Variants in USP32 observed in about 807,000 individuals in gnomAD.
USP32 encodes ubiquitin specific peptidase 32.
USP32 carries 59 observed loss-of-function variants against 204.8 expected under a neutral mutation model. The ratio of observed to expected loss-of-function variants is 0.29; its 90% confidence interval spans 0.23 to 0.36. The LOEUF is 0.36. Among genes scored for constraint, USP32 ranks in the 10% least tolerant of loss-of-function variants. The pLI is 1.00. For missense variants in USP32, 1,160 were observed against 1,946.4 expected, an observed-to-expected ratio of 0.60 and a Z score of 7.60; for synonymous variants, 517 against 678.4, an observed-to-expected ratio of 0.76 and a Z score of 3.70.
intron 15 of USP32, among the ~76,000 whole-genome samples, chr17:60,220,391 T>A (rs2085213040): frequency 6.6e-6 from 1 of 152,210 alleles, no homozygotes; most frequent in South Asian, 2.1e-4. Context: ...GATGCAACTG[T>A]TCCCATATAA....
At chr17:60,339,873 A>AT (rs2088617223) in intron 2 of USP32, among the ~76,000 whole-genome samples, 1 of 152,234 alleles carries the variant, frequency 6.6e-6, no homozygotes, top group African/African-American at 2.4e-5. Context: ...GCTCTTAAAA[A>AT]ATATATGTTA....
chr17:60,240,519 G>A (rs1320240084), intron 11 of USP32, among the ~76,000 whole-genome samples: 2 of 151,732 alleles, frequency 1.3e-5, no homozygotes, highest in Non-Finnish European at 2.9e-5. Context: ...AGAGACAAAA[G>A]ACAGAGACAA....
chr17:60,349,595 AAATATATATATATATATATATATATATAT>A (rs1567867111), intron 1 of USP32, among the ~76,000 whole-genome samples: 7 of 55,502 alleles, frequency 1.3e-4, no homozygotes, highest in African/African-American at 6.2e-4. Context: ...AAAAAAAAAA[AAATATATATATATATATATATATATATAT>A]TATATATATA....
intron 1 of USP32, among the ~76,000 whole-genome samples, chr17:60,367,720 A>C (rs753416771): frequency 1.3e-5 from 2 of 152,146 alleles, no homozygotes; most frequent in Non-Finnish European, 2.9e-5. Context: ...GGGCATGAGA[A>C]TCACTTGAAC....
chr17:60,265,335 A>G, intron 9 of USP32, 77 bp downstream of exon 9: 1 of 978,826 alleles, frequency 1.0e-6, no homozygotes, highest in East Asian at 2.6e-5. Context: ...AGATTCAAGC[A>G]TGTATATAAG....
At chr17:60,254,828 A>T (rs59382687) in intron 10 of USP32, among the ~76,000 whole-genome samples, 2 of 152,018 alleles carry the variant, frequency 1.3e-5, no homozygotes, top group African/African-American at 4.8e-5. Context: ...ATTTTCTTTT[A>T]AAAAAATTCT....
intron 13 of USP32, among the ~76,000 whole-genome samples, chr17:60,225,814 C>T (rs965207981): frequency 3.3e-5 from 5 of 151,998 alleles, no homozygotes; most frequent in African/African-American, 7.2e-5. Flanking sequence ...ATTAGCCAGG[C>T]GTGGTGGCGG....
chr17:60,181,897 T>C, intron 31 of USP32, 149 bp from the exon 32 acceptor site: 10 of 1,264,574 alleles, frequency 7.9e-6, no homozygotes, highest in Non-Finnish European at 8.6e-6. Context: ...GTTCCTATTA[T>C]GTAGCCAGTA....
chr17:60,338,848 T>A (rs1212081371), intron 2 of USP32, among the ~76,000 whole-genome samples: 2 of 152,240 alleles, frequency 1.3e-5, no homozygotes, highest in African/African-American at 4.8e-5. Context: ...ATTATTTTAT[T>A]CAAGTAATAC....
chr17:60,229,845 G>A (rs757974815), intron 12 of USP32, among the ~76,000 whole-genome samples: 2 of 151,488 alleles, frequency 1.3e-5, no homozygotes, highest in Non-Finnish European at 2.9e-5. Context: ...ACAGAGTCTC[G>A]CTTTGTTGCC....
At chr17:60,391,847 T>C in intron 1 of USP32, 35 bp downstream of exon 1, 1 of 1,541,292 alleles carries the variant, frequency 6.5e-7, no homozygotes, top group African/African-American at 1.4e-5. Context: ...GTCGCGGGCC[T>C]CCCAGGCAGC....
At chr17:60,237,329 T>C (rs2085758879) in intron 11 of USP32, among the ~76,000 whole-genome samples, 1 of 148,814 alleles carries the variant, frequency 6.7e-6, no homozygotes, top group Non-Finnish European at 1.5e-5. Context: ...TTTTTTTAAC[T>C]AGAGACAAGG....
intron 5 of USP32, among the ~76,000 whole-genome samples, chr17:60,277,995 C>A (rs941559768): frequency 6.7e-6 from 1 of 150,178 alleles, no homozygotes; most frequent in East Asian, 1.9e-4. Context: ...TGGCCTCAAC[C>A]TCCTGGGCTC....
intron 2 of USP32, among the ~76,000 whole-genome samples, chr17:60,316,967 T>A (rs184945581): frequency 1.3e-5 from 2 of 152,312 alleles, no homozygotes; most frequent in East Asian, 1.9e-4. Flanking sequence ...GATTCCACTA[T>A]ATGAAATATT....
At position 60,318,874 on chromosome 17, in the gene USP32, A is replaced by G. The variant is rs2088046931; in HGVS notation, c.187-17170T>C. Among the ~76,000 whole-genome samples, 5 of 152,242 alleles carry G rather than the reference A, an allele frequency of 3.3e-5. No homozygotes were observed. In the South Asian group the frequency reaches 1.0e-3, roughly 31 times the overall value. On this transcript the variant is annotated intron_variant, in intron 2 of 33. Transcript: ENST00000300896. ...GAGTGAAAAATTGACCACTTTTTAA[A>G]ATAAGTTATTCGTTACAATGGGATA...
At chr17:60,312,000 A>T (rs1458368436) in intron 2 of USP32, among the ~76,000 whole-genome samples, 1 of 152,248 alleles carries the variant, frequency 6.6e-6, no homozygotes. Flanking sequence ...ATACTGTTTT[A>T]TCATGGCTTT....
In USP32 at chr17:60,179,138, G is replaced by T; in HGVS notation, c.*117C>A. 2 of 1,163,868 alleles carry T rather than the reference G, an allele frequency of 1.7e-6. No individual in the cohort carries two copies. Among genetic ancestry groups the T allele is most frequent in the Non-Finnish European group, 2.4e-6 (2 of 842,484 alleles). 72.1% of individuals were successfully genotyped at this position (1,163,868 alleles called of 1,614,324 possible). On this transcript the variant is annotated 3_prime_UTR_variant, in exon 34 of 34. Transcript: ENST00000300896. Reference sequence around the variant, plus strand: ...TTAGAATTTTTATTTTGTGCTTCAGGGCCACAGGATAAAATAACTACATTT... The same window carrying T: ...TTAGAATTTTTATTTTGTGCTTCAGTGCCACAGGATAAAATAACTACATTT...
At chr17:60,248,156 T>A (rs1181119738) in intron 11 of USP32, among the ~76,000 whole-genome samples, 2 of 149,730 alleles carry the variant, frequency 1.3e-5, no homozygotes, top group Non-Finnish European at 2.9e-5. Flanking sequence ...GGATTGACAG[T>A]TTTTGCTTTT....
intron 26 of USP32, among the ~76,000 whole-genome samples, chr17:60,204,366 G>A (rs2084768341): frequency 6.6e-6 from 1 of 152,038 alleles, no homozygotes; most frequent in Non-Finnish European, 1.5e-5. Flanking sequence ...GCCCAGGTTG[G>A]AGTGGAGTGG....
Sources: gnomAD v4.1 joint callset for allele counts (sites outside exome capture counted in the v4.1 genomes callset) on GRCh38, gnomAD v4.1.1 for gene constraint, MANE v1.5 for transcripts, NCBI Gene and HGNC (gene_info 2026-07-23, HGNC 2026-07-21) for gene names.